Variants in FARS2 observed in about 807,000 individuals in gnomAD.
FARS2 encodes phenylalanyl-tRNA synthetase 2, mitochondrial, also known as phenylalanine--tRNA ligase, mitochondrial.
FARS2 carries 40 observed loss-of-function variants against 46.4 expected under a neutral mutation model. That is an observed-to-expected ratio of 0.86 (90% CI 0.67 to 1.12). The LOEUF is 1.12. Ranked by LOEUF, FARS2 falls within the 50% of genes most tolerant of loss-of-function variation. The pLI is 0.00. For missense variants in FARS2, 513 were observed against 567.9 expected, an observed-to-expected ratio of 0.90 and a Z score of 0.98; for synonymous variants, 234 against 214.9, an observed-to-expected ratio of 1.09 and a Z score of -0.78.
intron 6 of FARS2, among the ~76,000 whole-genome samples, chr6:5,640,411 G>A (rs1005254573): frequency 1.3e-5 from 2 of 152,150 alleles, no homozygotes; most frequent in African/African-American, 2.4e-5. Flanking sequence ...CTAAATCTGC[G>A]AGTTGGCCAC....
chr6:5,636,850 G>C (rs563924082), intron 6 of FARS2, among the ~76,000 whole-genome samples: 10 of 152,130 alleles, frequency 6.6e-5, no homozygotes, highest in Non-Finnish European at 1.2e-4. Flanking sequence ...TGTCCACCTC[G>C]ATCATTGAGT....
At chr6:5,486,321 A>T (rs1403946554) in intron 4 of FARS2, among the ~76,000 whole-genome samples, 1 of 152,190 alleles carries the variant, frequency 6.6e-6, no homozygotes, top group Non-Finnish European at 1.5e-5. Context: ...TCAGTAGTTG[A>T]CCAGAGAAAG....
At chr6:5,350,316 A>AT (rs1227491634) in intron 1 of FARS2, among the ~76,000 whole-genome samples, 2 of 151,802 alleles carry the variant, frequency 1.3e-5, no homozygotes, top group Non-Finnish European at 2.9e-5. Context: ...CCCCAGCAAG[A>AT]TTTTTTTATA....
chr6:5,346,644 TAC>T (rs1757247421), intron 1 of FARS2, among the ~76,000 whole-genome samples: 1 of 152,208 alleles, frequency 6.6e-6, no homozygotes, highest in African/African-American at 2.4e-5. Context: ...GAAAAAATTT[TAC>T]AGTTAACCTT....
At position 5,604,564 on chromosome 6, in the gene FARS2, G is replaced by A. The variant is rs78225307; in HGVS notation, c.1066-8605G>A. On this transcript the variant is annotated intron_variant, in intron 5 of 6. Coordinates refer to ENST00000274680, the MANE Select transcript of FARS2 (RefSeq NM_006567.5). Reference sequence around the variant, plus strand: ...CAGGCGTCTCTGAAACCACAGAACTGTGAGCTGCAGGCAGGGGTTTCTCTT... The same window carrying A: ...CAGGCGTCTCTGAAACCACAGAACTATGAGCTGCAGGCAGGGGTTTCTCTT... Among the ~76,000 whole-genome samples the A allele has an allele frequency of 4.0e-3, 607 of 152,256 alleles. 7 individuals are homozygous for A. Among genetic ancestry groups the A allele is most frequent in the Middle Eastern group, 0.014 (4 of 294 alleles).
rs566737595 is a variant in FARS2 at position 5,368,473 on chromosome 6, G to A, written c.-21-77G>A. On this transcript the variant is annotated intron_variant, in intron 1 of 6. Transcript: ENST00000274680. ...CATGCCAGTAGGACAAGAGGGAGCT[G>A]GTGGGAGATGCAAAGAACACACTTG... 1.5e-4 allele frequency: 196 copies of A among 1,284,448 alleles called. 1 individual carries two copies. The African/African-American group carries it at 2.7e-3, about 18-fold the overall frequency. The allele number at this position is 1,284,448 out of a possible 1,614,324, so 79.6% of individuals were successfully genotyped here. A position where few individuals can be genotyped will look rare whatever the true frequency, so the allele number is the denominator to read the frequency against.
chr6:5,724,347 AG>A (rs1462698105), intron 6 of FARS2, among the ~76,000 whole-genome samples: 3 of 152,210 alleles, frequency 2.0e-5, no homozygotes, highest in Non-Finnish European at 4.4e-5. Context: ...AGGAAATGAC[AG>A]GGGACTCCGT....
chr6:5,562,164 G>C (rs60586837), intron 5 of FARS2, among the ~76,000 whole-genome samples: 1 of 151,746 alleles, frequency 6.6e-6, no homozygotes, highest in Non-Finnish European at 1.5e-5. Flanking sequence ...ATAATTTTTC[G>C]ATGTTTCAAA....
chr6:5,272,135 C>T (rs1238641676), intron 1 of FARS2, among the ~76,000 whole-genome samples: 1 of 152,194 alleles, frequency 6.6e-6, no homozygotes, highest in Non-Finnish European at 1.5e-5. Flanking sequence ...TGCATACACG[C>T]TACCTGCCCA....
chr6:5,507,324 A>G (rs1020101260), intron 4 of FARS2, among the ~76,000 whole-genome samples: 1 of 152,030 alleles, frequency 6.6e-6, no homozygotes. Flanking sequence ...TGCACAACCC[A>G]TTTGGGGTTT....
intron 1 of FARS2, among the ~76,000 whole-genome samples, chr6:5,355,442 T>C (rs9502292): frequency 0.69 from 102,778 of 148,584 alleles, 36,095 homozygotes; most frequent in East Asian, 0.81. Context: ...CTGCAACCTC[T>C]GCCTGCTGGG....
At chr6:5,476,671 C>T (rs1055259174) in intron 4 of FARS2, among the ~76,000 whole-genome samples, 4 of 152,050 alleles carry the variant, frequency 2.6e-5, no homozygotes, top group African/African-American at 9.7e-5. Flanking sequence ...TATGGAAGGC[C>T]GTTGCCATGC....
chr6:5,681,792 C>T (rs1289993293), intron 6 of FARS2, among the ~76,000 whole-genome samples: 1 of 152,206 alleles, frequency 6.6e-6, no homozygotes, highest in Non-Finnish European at 1.5e-5. Context: ...TCTCCCCCTC[C>T]CTTCCTTCTC....
chr6:5,576,882 G>A (rs1406457247), intron 5 of FARS2, among the ~76,000 whole-genome samples: 1 of 151,606 alleles, frequency 6.6e-6, no homozygotes, highest in Non-Finnish European at 1.5e-5. Context: ...TGGCCACTGG[G>A]AGCCCTTTCC....
intron 6 of FARS2, among the ~76,000 whole-genome samples, chr6:5,687,230 T>C (rs1422143509): frequency 6.6e-6 from 1 of 152,266 alleles, no homozygotes; most frequent in African/African-American, 2.4e-5. Context: ...ATTTTGGCTT[T>C]TGTTGCCATT....
intron 4 of FARS2, among the ~76,000 whole-genome samples, chr6:5,538,945 C>T (rs950343802): frequency 6.6e-6 from 1 of 152,100 alleles, no homozygotes; most frequent in African/African-American, 2.4e-5. Flanking sequence ...CTCTCTGTTC[C>T]CCATGAGGGT....
chr6:5,376,720 T>C (rs1759406252), intron 2 of FARS2, among the ~76,000 whole-genome samples: 1 of 152,216 alleles, frequency 6.6e-6, no homozygotes, highest in Non-Finnish European at 1.5e-5. Flanking sequence ...TCTTTTTAAA[T>C]GGATATTCAG....
At chr6:5,467,224 T>A in intron 4 of FARS2, 1 of 399,938 alleles carries the variant, frequency 2.5e-6, no homozygotes, top group Non-Finnish European at 3.4e-6. Flanking sequence ...TTTATTTATT[T>A]ATTGCCACAG....
chr6:5,631,167 C>T (rs1181740192), intron 6 of FARS2, among the ~76,000 whole-genome samples: 1 of 152,172 alleles, frequency 6.6e-6, no homozygotes, highest in Non-Finnish European at 1.5e-5. Flanking sequence ...GAACATATTG[C>T]TGGGAAAACA....
Sources: gnomAD v4.1 joint callset for allele counts (sites outside exome capture counted in the v4.1 genomes callset) on GRCh38, gnomAD v4.1.1 for gene constraint, MANE v1.5 for transcripts, NCBI Gene and HGNC (gene_info 2026-07-23, HGNC 2026-07-21) for gene names.